The following ARL6IP1 variants were observed in gnomAD, a reference collection of about 807,000 sequenced individuals.
The protein encoded by ARL6IP1 is ADP-ribosylation factor-like protein 6-interacting protein 1.
A neutral mutation model predicts 30.1 loss-of-function variants in ARL6IP1; 16 were observed. The observed-to-expected ratio is 0.53, with a 90% CI of 0.36 to 0.81. The LOEUF (loss-of-function observed/expected upper bound fraction) is 0.81. ARL6IP1 is among the 30% of genes least tolerant of loss of function. The probability of loss-of-function intolerance (pLI) is 0.01; values close to 1 mark genes in which losing one functional copy is unlikely to be tolerated. For synonymous variants in ARL6IP1, 72 were observed against 84.8 expected (o/e 0.85, Z 0.83); for missense variants, 173 against 242.7 (o/e 0.71, Z 1.91).
At chr16:18,801,073 A>C (rs2030393570) in intron 1 of ARL6IP1, 1 of 741,794 alleles carries the variant, frequency 1.3e-6, no homozygotes, top group South Asian at 3.4e-5. Flanking sequence ...AGACGGGGAA[A>C]GCCGAATACG....
At chr16:18,799,223 G>C (rs969981419) in intron 1 of ARL6IP1, among the ~76,000 whole-genome samples, 1 of 152,136 alleles carries the variant, frequency 6.6e-6, no homozygotes, top group Non-Finnish European at 1.5e-5. Flanking sequence ...TGTTGGCCAG[G>C]CTGGTCTCAA....
chr16:18,795,643 C>A, intron 3 of ARL6IP1, 62 bp from the exon 4 acceptor site: 1 of 1,058,078 alleles, frequency 9.5e-7, no homozygotes, highest in East Asian at 2.4e-5. Context: ...AACATGACAC[C>A]CTGTTCAATT....
At chr16:18,800,449 A>G (rs887952199) in intron 1 of ARL6IP1, among the ~76,000 whole-genome samples, 7 of 152,236 alleles carry the variant, frequency 4.6e-5, no homozygotes, top group African/African-American at 4.8e-5. Flanking sequence ...CTGTGCTTCA[A>G]TTAATCCTCT....
chr16:18,798,780 G>A lies in ARL6IP1; in HGVS notation c.91C>T (p.Leu31=). The change falls in exon 2 of 6, where the codon CTG becomes TTG. Residue 31 remains leucine, a synonymous_variant. Transcript: ENST00000304414. ...CATCGGAGGACTTTATCAGCCATCA[G>A]CATCACTTCTCCCCATCCTTGCAGC... ...EQLQGWGEVM[L]MADKVLRWER... is the part of the protein sequence containing the mutation. 1.2e-6 allele frequency: 2 copies of A among 1,614,162 alleles called. No individual in the cohort carries two copies. Among genetic ancestry groups the A allele is most frequent in the Middle Eastern group, 3.3e-4 (2 of 6,062 alleles).
At position 18,801,478 on chromosome 16, in the gene ARL6IP1, T is replaced by G. The variant is rs770941505; in HGVS notation, c.-12A>C. 6.2e-7 allele frequency: 1 copy of G among 1,612,224 alleles called. No individual in the cohort carries two copies. Among genetic ancestry groups the G allele is most frequent in the South Asian group, 1.1e-5 (1 of 90,554 alleles). On this transcript the variant is annotated 5_prime_UTR_variant, in exon 1 of 6. Transcript: ENST00000304414. ...TCTCCCTCCGCCATCGTCTCGGGGATGCAGTCTCTACAAGCGCAGGCCACC... is the reference window on the plus strand; with the variant it reads ...TCTCCCTCCGCCATCGTCTCGGGGAGGCAGTCTCTACAAGCGCAGGCCACC...
intron 2 of ARL6IP1, 91 bp from the exon 3 acceptor site, chr16:18,798,135 C>A: frequency 8.0e-7 from 1 of 1,243,124 alleles, no homozygotes; most frequent in Non-Finnish European, 1.1e-6. Context: ...TAACTATTCA[C>A]CGCCTCTCAG....
intron 1 of ARL6IP1, among the ~76,000 whole-genome samples, chr16:18,799,978 G>C (rs867023002): frequency 2.0e-5 from 3 of 152,192 alleles, no homozygotes; most frequent in South Asian, 2.1e-4. Flanking sequence ...GGTCGGGGGG[G>C]ATTGCTTGAG....
In ARL6IP1 at chr16:18,793,183, G is replaced by T; in HGVS notation, c.*69C>A. 1 of 982,644 alleles carries T rather than the reference G, an allele frequency of 1.0e-6. No homozygotes were observed. Among genetic ancestry groups the T allele is most frequent in the Non-Finnish European group, 1.6e-6 (1 of 635,098 alleles). 60.9% of individuals were successfully genotyped at this position (982,644 alleles called of 1,614,324 possible). ...TACTTCCGTAACATTTTAGTATCCAGATAGTACAGCAGAAACGGTTCCCGG... is the reference window on the plus strand; with the variant it reads ...TACTTCCGTAACATTTTAGTATCCATATAGTACAGCAGAAACGGTTCCCGG... On this transcript the variant is annotated 3_prime_UTR_variant, in exon 6 of 6. Transcript: ENST00000304414.
At position 18,798,713 on chromosome 16, in the gene ARL6IP1, G is replaced by A; in HGVS notation, c.158C>T (p.Ser53Phe). 1 of 1,613,942 alleles carries A rather than the reference G, an allele frequency of 6.2e-7. No homozygotes were observed. The highest frequency in any genetic ancestry group is 1.1e-5 in the South Asian group (1 of 91,062). Residue 53 changes from serine to phenylalanine, a missense_variant, in exon 2 of 6, where the codon TCT (serine) becomes TTT (phenylalanine). By Grantham distance (155) the Ser-to-Phe change is radical. Coordinates refer to ENST00000304414, the MANE Select transcript of ARL6IP1 (RefSeq NM_015161.3). ...ATAGCTCACTTACAGAAACACCAAA[G>A]AAACCACACCCATGATGGCAGGTGG... ...WFPPAIMGVV[S>F]LVFLIIYYLD...
At chr16:18,801,409 G>C in intron 1 of ARL6IP1, 22 bp downstream of exon 1, 3 of 1,612,514 alleles carry the variant, frequency 1.9e-6, no homozygotes, top group Non-Finnish European at 2.5e-6. Flanking sequence ...CGGCTCCCGG[G>C]GGACAGGCAG....
intron 1 of ARL6IP1, 155 bp downstream of exon 1, chr16:18,801,276 G>A: frequency 6.8e-7 from 1 of 1,467,520 alleles, no homozygotes; most frequent in Non-Finnish European, 9.0e-7. Flanking sequence ...ACACCCAGGA[G>A]TCACCCAAGA....
chr16:18,801,382 C>G (rs2030406316), intron 1 of ARL6IP1, 49 bp downstream of exon 1: 12 of 1,607,070 alleles, frequency 7.5e-6, no homozygotes, highest in Non-Finnish European at 1.0e-5. Context: ...AGCCCACGGA[C>G]GTCTGGAGGC....
chr16:18,795,201 C>G (rs1224554743), intron 4 of ARL6IP1: 5 of 308,298 alleles, frequency 1.6e-5, no homozygotes, highest in Non-Finnish European at 3.1e-5. Flanking sequence ...TAAACAGATG[C>G]TTTCTAAGTA....
chr16:18,795,440 C>CTT, intron 4 of ARL6IP1, 24 bp downstream of exon 4: 1 of 1,563,334 alleles, frequency 6.4e-7, no homozygotes, highest in South Asian at 1.1e-5. Context: ...TTTTACTGTA[C>CTT]TTAAGTCAAA....
At chr16:18,797,249 G>A (rs2030263917) in intron 3 of ARL6IP1, among the ~76,000 whole-genome samples, 2 of 151,832 alleles carry the variant, frequency 1.3e-5, no homozygotes, top group African/African-American at 4.8e-5. Flanking sequence ...GCCAGGTGTG[G>A]TGGTGGGCAC....
chr16:18,793,466 T>C, intron 5 of ARL6IP1, 96 bp from the exon 6 acceptor site: 1 of 720,722 alleles, frequency 1.4e-6, no homozygotes, highest in Non-Finnish European at 2.2e-6. Flanking sequence ...AGTTTCACTT[T>C]TGTTGCCCAG....
At chr16:18,795,672 GAAAATA>G in intron 3 of ARL6IP1, 91 bp from the exon 4 acceptor site, 1 of 827,766 alleles carries the variant, frequency 1.2e-6, no homozygotes, top group Non-Finnish European at 1.9e-6. Flanking sequence ...ATCTTCTAAA[GAAAATA>G]AAAATAAAAA....
intron 4 of ARL6IP1, chr16:18,795,032 T>C (rs2141869415): frequency 4.9e-6 from 1 of 202,188 alleles, no homozygotes; most frequent in African/African-American, 2.4e-5. Context: ...TTTTTTTTTT[T>C]TTGAGACAGA....
chr16:18,793,165 G>C lies in ARL6IP1; in HGVS notation c.*87C>G, dbSNP rs942409340. The C allele has an allele frequency of 1.8e-5, 15 of 839,076 alleles. No individual in the cohort carries two copies. The South Asian group carries it at 1.9e-4, about 11-fold the overall frequency. The allele number at this position is 839,076 out of a possible 1,614,324, so 52.0% of individuals were successfully genotyped here. ...TGAGGGAGAACAAAGAGCTACTTCCGTAACATTTTAGTATCCAGATAGTAC... is the reference window on the plus strand; with the variant it reads ...TGAGGGAGAACAAAGAGCTACTTCCCTAACATTTTAGTATCCAGATAGTAC... On this transcript the variant is annotated 3_prime_UTR_variant, in exon 6 of 6. Transcript: ENST00000304414.
Sources: allele counts gnomAD v4.1 joint callset (sites outside exome capture counted in the v4.1 genomes callset), GRCh38; gene constraint gnomAD v4.1.1; transcripts MANE v1.5; gene names NCBI Gene and HGNC (gene_info 2026-07-23, HGNC 2026-07-21).